The following KCNK2 variants were observed in gnomAD, a reference collection of about 807,000 sequenced individuals.
KCNK2 encodes potassium channel subfamily K member 2.
In KCNK2, 21 loss-of-function variants were observed where a neutral mutation model predicts 40.5. The ratio of observed to expected loss-of-function variants is 0.52; its 90% confidence interval spans 0.37 to 0.75. The LOEUF (loss-of-function observed/expected upper bound fraction) is 0.75, where lower values mean the gene tolerates loss of function less well. Ranked by LOEUF, KCNK2 falls within the 30% of genes least tolerant of loss-of-function variation. The pLI, the probability that KCNK2 is intolerant of heterozygous loss-of-function variation, is 0.00. For missense variants in KCNK2, 399 were observed against 531.6 expected, an observed-to-expected ratio of 0.75 and a Z score of 2.45; for synonymous variants, 191 against 202.2, an observed-to-expected ratio of 0.94 and a Z score of 0.47.
intron 1 of KCNK2, among the ~76,000 whole-genome samples, chr1:215,035,662 T>A (rs1465415744): frequency 6.6e-6 from 1 of 152,110 alleles, no homozygotes; most frequent in African/African-American, 2.4e-5. Context: ...ATCTTCGTTC[T>A]TTCCAGTTTT....
intron 1 of KCNK2, among the ~76,000 whole-genome samples, chr1:215,071,419 T>C (rs1658753651): frequency 6.6e-6 from 1 of 152,206 alleles, no homozygotes; most frequent in South Asian, 2.1e-4. Context: ...AACCCTTCAG[T>C]TGTGATTTCC....
chr1:215,102,779 A>G (rs1660278025), intron 2 of KCNK2, among the ~76,000 whole-genome samples: 2 of 151,976 alleles, frequency 1.3e-5, no homozygotes, highest in Non-Finnish European at 1.5e-5. Context: ...TACAGTATTC[A>G]TTACAGTAAC....
At chr1:215,174,139 AT>A (rs533198398) in intron 5 of KCNK2, among the ~76,000 whole-genome samples, 5,175 of 152,188 alleles carry the variant, frequency 0.034, 272 homozygotes, top group African/African-American at 0.12. Flanking sequence ...TCTTGAATTA[AT>A]TTTTGTATAA....
intron 1 of KCNK2, among the ~76,000 whole-genome samples, chr1:215,037,630 A>T (rs1452615): frequency 0.85 from 128,966 of 151,468 alleles, 55,182 homozygotes; most frequent in East Asian, 0.99. Flanking sequence ...TTTGGCAGAA[A>T]TCACCAGTGA....
intron 3 of KCNK2, among the ~76,000 whole-genome samples, chr1:215,151,570 T>C (rs945025669): frequency 3.3e-5 from 5 of 152,080 alleles, no homozygotes; most frequent in African/African-American, 1.2e-4. Context: ...GAAGTTCCAC[T>C]AAAAACAATT....
chr1:215,131,433 A>G (rs904706043), intron 3 of KCNK2, among the ~76,000 whole-genome samples: 1 of 146,990 alleles, frequency 6.8e-6, no homozygotes, highest in Non-Finnish European at 1.5e-5. Context: ...TTATATTATT[A>G]TGTATTATAT....
At chr1:215,214,200 G>C (rs1665863062) in intron 6 of KCNK2, among the ~76,000 whole-genome samples, 1 of 152,148 alleles carries the variant, frequency 6.6e-6, no homozygotes, top group South Asian at 2.1e-4. Context: ...GGCTGGGGAG[G>C]CCTCAGGAAA....
At position 215,022,246 on chromosome 1, in the gene KCNK2, A is replaced by T. The variant is rs78151785; in HGVS notation, c.34+16291A>T. ...AAGGTCTTTTCCAAGTCAATTCAGG[A>T]TCTTCCCAAATCCCATGTTTTCTTC... On this transcript the variant is annotated intron_variant, in intron 1 of 6. Transcript: ENST00000391895. Among the ~76,000 whole-genome samples, 448 of 152,110 alleles carry T rather than the reference A, an allele frequency of 2.9e-3. 2 individuals are homozygous for T. Among genetic ancestry groups the T allele is most frequent in the African/African-American group, 0.01 (421 of 41,512 alleles).
chr1:215,043,585 A>T (rs1374117430), intron 1 of KCNK2, among the ~76,000 whole-genome samples: 1 of 152,202 alleles, frequency 6.6e-6, no homozygotes, highest in Non-Finnish European at 1.5e-5. Flanking sequence ...AGATACCTAG[A>T]GTAGTCAGAA....
chr1:215,073,404 G>T (rs1214414971), intron 1 of KCNK2, among the ~76,000 whole-genome samples: 1 of 152,198 alleles, frequency 6.6e-6, no homozygotes, highest in Non-Finnish European at 1.5e-5. Flanking sequence ...GGTGCAGAGT[G>T]CTGTGAGAGT....
intron 1 of KCNK2, among the ~76,000 whole-genome samples, chr1:215,008,276 A>G (rs1196650156): frequency 6.6e-6 from 1 of 152,134 alleles, no homozygotes; most frequent in East Asian, 1.9e-4. Context: ...TTGATGACAA[A>G]TGATAACTTT....
chr1:215,044,354 A>G (rs1245979789), intron 1 of KCNK2, among the ~76,000 whole-genome samples: 1 of 152,144 alleles, frequency 6.6e-6, no homozygotes, highest in East Asian at 1.9e-4. Context: ...TATTTAGCCC[A>G]GACTTTCCCT....
At position 215,124,732 on chromosome 1, in the gene KCNK2, A is replaced by G; in HGVS notation, c.457A>G (p.Thr153Ala). 6.2e-7 allele frequency: 1 copy of G among 1,600,240 alleles called. No individual in the cohort carries two copies. The highest frequency in any genetic ancestry group is 8.6e-7 in the Non-Finnish European group (1 of 1,167,476). The change falls in exon 3 of 7, where the codon ACT (threonine) becomes GCT (alanine). Residue 153 changes from threonine (T) to alanine (A), a missense_variant. Transcript: ENST00000444842. ...GGGAAGTTCCTTCTTCTTTGCTGGC[A>G]CTGTTATTACAACCATAGGTAGGAG... ...DLGSSFFFAG[T>A]VITTIGFGNI...
chr1:215,197,448 A>C (rs926327956), intron 6 of KCNK2, among the ~76,000 whole-genome samples: 1 of 152,096 alleles, frequency 6.6e-6, no homozygotes, highest in African/African-American at 2.4e-5. Flanking sequence ...GTGTGCATGC[A>C]TGAGAGAGAG....
intron 3 of KCNK2, among the ~76,000 whole-genome samples, chr1:215,168,037 A>C (rs11120515): frequency 0.014 from 2,106 of 151,954 alleles, 51 homozygotes; most frequent in African/African-American, 0.046. Context: ...AAAAACCGAT[A>C]AAAAACTGGG....
chr1:215,089,992 A>G (rs1482594955), intron 2 of KCNK2, among the ~76,000 whole-genome samples: 1 of 151,544 alleles, frequency 6.6e-6, no homozygotes, highest in Non-Finnish European at 1.5e-5. Context: ...ACGGCCAGCT[A>G]ATTTTGTATT....
At chr1:215,088,288 G>A (rs999580643) in intron 2 of KCNK2, among the ~76,000 whole-genome samples, 3 of 152,188 alleles carry the variant, frequency 2.0e-5, no homozygotes, top group Middle Eastern at 6.8e-3. Context: ...GGCAGGATGC[G>A]TTTTGAACTG....
chr1:215,149,059 T>A (rs1006447222), intron 3 of KCNK2, among the ~76,000 whole-genome samples: 2 of 151,950 alleles, frequency 1.3e-5, no homozygotes, highest in African/African-American at 2.4e-5. Context: ...ACTTAAGGGT[T>A]TTGAAACTAC....
chr1:215,108,579 T>C (rs957384743), intron 2 of KCNK2, among the ~76,000 whole-genome samples: 1 of 152,140 alleles, frequency 6.6e-6, no homozygotes, highest in Non-Finnish European at 1.5e-5. Flanking sequence ...ATCCATGAAA[T>C]CATTGCCAAG....
Sources: gnomAD v4.1 joint callset for allele counts (sites outside exome capture counted in the v4.1 genomes callset) on GRCh38, gnomAD v4.1.1 for gene constraint, MANE v1.5 for transcripts, NCBI Gene and HGNC (gene_info 2026-07-23, HGNC 2026-07-21) for gene names.